SNX27: variants seen among roughly 807,000 people sequenced by gnomAD.
SNX27 encodes the protein sorting nexin-27.
SNX27 carries 22 observed loss-of-function variants against 71.6 expected under a neutral mutation model. That is an observed-to-expected ratio of 0.31 (90% CI 0.22 to 0.44). The LOEUF is 0.44. Among genes scored for constraint, SNX27 ranks in the 20% least tolerant of loss-of-function variants. SNX27 has a pLI of 1.00. For synonymous variants in SNX27, 269 were observed against 277.2 expected (o/e 0.97, Z 0.29); for missense variants, 531 against 698.6 (o/e 0.76, Z 2.70).
rs867364396 is a variant in SNX27, at chr1:151,651,355, T to C, written c.544-6880T>C. ...TGACCCCCCCCACCTCCCTCCCGGA[T>C]GGGGCGGCTGGCCTGGCGGGGGGCT... is the stretch of plus-strand genomic sequence containing the variant. On this transcript the variant is annotated intron_variant, in intron 2 of 11. Coordinates refer to ENST00000458013, the MANE Select transcript of SNX27 (RefSeq NM_001330723.2). Among the ~76,000 whole-genome samples the C allele has an allele frequency of 1.4e-3, 192 of 139,974 alleles. 1 individual carries two copies. Among genetic ancestry groups the C allele is most frequent in the African/African-American group, 4.8e-3 (177 of 36,980 alleles). 91.8% of individuals were successfully genotyped at this position (139,974 alleles called of 152,430 possible). A position where few individuals can be genotyped will look rare whatever the true frequency, so the allele number is the denominator to read the frequency against.
At chr1:151,673,554 G>A (rs1670537923) in intron 7 of SNX27, among the ~76,000 whole-genome samples, 1 of 152,180 alleles carries the variant, frequency 6.6e-6, no homozygotes. Context: ...GGTCTATAAT[G>A]CAGATTAAGT....
chr1:151,630,921 A>G (rs958551762), intron 1 of SNX27, among the ~76,000 whole-genome samples: 3 of 152,104 alleles, frequency 2.0e-5, no homozygotes, highest in South Asian at 2.1e-4. Flanking sequence ...AGTTCCAGCT[A>G]CTCGGGAGGC....
intron 3 of SNX27, among the ~76,000 whole-genome samples, chr1:151,658,637 A>G (rs1669811135): frequency 6.6e-6 from 1 of 152,136 alleles, no homozygotes; most frequent in Admixed American, 6.5e-5. Flanking sequence ...TGAATGCTTA[A>G]CAACAACAGA....
intron 1 of SNX27, among the ~76,000 whole-genome samples, chr1:151,621,067 GA>G (rs1238718453): frequency 6.6e-5 from 10 of 152,160 alleles, no homozygotes; most frequent in African/African-American, 2.2e-4. Context: ...AGACGGGGGG[GA>G]AACTTAATGT....
chr1:151,647,276 GAAT>G (rs1349429456), intron 2 of SNX27, among the ~76,000 whole-genome samples: 1 of 151,782 alleles, frequency 6.6e-6, no homozygotes, highest in Non-Finnish European at 1.5e-5. Context: ...TCAGCCTTCC[GAAT>G]AGCTAAACTA....
intron 11 of SNX27, 24 bp downstream of exon 11, chr1:151,693,507 T>A: frequency 6.2e-7 from 1 of 1,613,920 alleles, no homozygotes; most frequent in Non-Finnish European, 8.5e-7. Context: ...GTCCTTGAAT[T>A]GACCTTTTCA....
At chr1:151,615,761 G>A (rs1349624261) in intron 1 of SNX27, 11 of 982,542 alleles carry the variant, frequency 1.1e-5, no homozygotes, top group Non-Finnish European at 1.3e-5. Flanking sequence ...AATTGTTTTT[G>A]TAACAATTTT....
At chr1:151,620,753 G>C (rs997550781) in intron 1 of SNX27, among the ~76,000 whole-genome samples, 6 of 149,634 alleles carry the variant, frequency 4.0e-5, no homozygotes, top group African/African-American at 1.5e-4. Context: ...GCAGTGGCAC[G>C]ATCTCGGCTC....
intron 3 of SNX27, 120 bp downstream of exon 3, chr1:151,658,547 T>TTAC: frequency 2.0e-6 from 2 of 1,000,892 alleles, no homozygotes; most frequent in Non-Finnish European, 2.9e-6. Context: ...GGTTTCTGAC[T>TTAC]AAGTATTGAA....
At position 151,696,518 on chromosome 1, in the gene SNX27, TTTCG is replaced by T. The variant is rs138314639; in HGVS notation, c.*2105_*2108del. On this transcript the variant is annotated 3_prime_UTR_variant, in exon 12 of 12. Transcript: ENST00000458013. ...CTTTCTTTCTTTCGTTCTTTCGTTCTTTCGTTCTTTCTTTCTTTCTTTCTTTCTC... is the reference window on the plus strand; with the variant it reads ...CTTTCTTTCTTTCGTTCTTTCGTTCTTTCTTTCTTTCTTTCTTTCTTTCTC... 1.2e-3 allele frequency: 163 copies of T among 135,530 alleles called. No homozygotes were observed. Among genetic ancestry groups the T allele is most frequent in the East Asian group, 3.3e-3 (16 of 4,922 alleles). 8.4% of individuals were successfully genotyped at this position (135,530 alleles called of 1,614,324 possible).
At chr1:151,643,517 A>C (rs1279365795) in intron 2 of SNX27, among the ~76,000 whole-genome samples, 2 of 142,696 alleles carry the variant, frequency 1.4e-5, no homozygotes, top group African/African-American at 2.6e-5. Flanking sequence ...CTGGTCTTGA[A>C]CTCCTGACCT....
chr1:151,655,824 T>A (rs2102671747), intron 2 of SNX27, among the ~76,000 whole-genome samples: 1 of 152,344 alleles, frequency 6.6e-6, no homozygotes, highest in East Asian at 1.9e-4. Flanking sequence ...TAAAAGTTGA[T>A]TTTAAATATT....
intron 1 of SNX27, among the ~76,000 whole-genome samples, chr1:151,618,110 C>T (rs779306989): frequency 2.0e-5 from 3 of 151,366 alleles, no homozygotes; most frequent in African/African-American, 4.9e-5. Context: ...AAGTGATCTG[C>T]CCACTTTGGC....
chr1:151,632,221 G>A (rs1004134673), intron 1 of SNX27, among the ~76,000 whole-genome samples: 3 of 151,446 alleles, frequency 2.0e-5, no homozygotes, highest in South Asian at 4.2e-4. Flanking sequence ...GCAGTGGTGC[G>A]ATCTCGGCTC....
rs1273948560 is a variant in SNX27 at position 151,696,387 on chromosome 1, C to CTTA, written c.*1971_*1972insTAT. The CTTA allele has an allele frequency of 6.6e-6, 1 of 152,192 alleles. No individual in the cohort carries two copies. Among genetic ancestry groups the CTTA allele is most frequent in the Non-Finnish European group, 1.5e-5 (1 of 68,036 alleles). 9.4% of individuals were successfully genotyped at this position (152,192 alleles called of 1,614,324 possible). ...CAGTCATAATTGGTTGTAGTCAATTCTACTAAGCAGTGTTGGGGTGGTTGG... is the reference window on the plus strand; with the variant it reads ...CAGTCATAATTGGTTGTAGTCAATTCTTATACTAAGCAGTGTTGGGGTGGTTGG... On this transcript the variant is annotated 3_prime_UTR_variant, in exon 12 of 12. Transcript: ENST00000458013.
In SNX27 at chr1:151,660,873, A is replaced by G. The variant is rs1172914573; in HGVS notation, c.801+11A>G. The G allele has an allele frequency of 1.3e-6, 2 of 1,598,358 alleles. No individual in the cohort carries two copies. The highest frequency in any genetic ancestry group is 1.3e-5 in the African/African-American group (1 of 74,648). ...TCAGAATCCGATGAGGTAGGTGAAT[A>G]TCTCTTTTAGTGATTATTTTCCTTT... On this transcript the variant is annotated intron_variant, in intron 4 of 11. Coordinates refer to ENST00000458013, the MANE Select transcript of SNX27 (RefSeq NM_001330723.2).
At chr1:151,658,521 T>C (rs878903105) in intron 3 of SNX27, 94 bp downstream of exon 3, 4 of 1,248,792 alleles carry the variant, frequency 3.2e-6, no homozygotes, top group Admixed American at 4.8e-5. Context: ...AGAACCTCAA[T>C]AGTGAATGTA....
Position 151,697,256 on chromosome 1 carries a change from T to A in SNX27, c.*2839T>A, listed in dbSNP as rs1671799660. On this transcript the variant is annotated 3_prime_UTR_variant, in exon 12 of 12. Coordinates refer to ENST00000458013, the MANE Select transcript of SNX27 (RefSeq NM_001330723.2). The stretch of plus-strand genomic sequence containing the variant: ...GACTTGGCACCAGCTTTGTTCAAAC[T>A]GTAAAAATAGCAATTTGCCCCTACT... 1 of 152,220 alleles carries A rather than the reference T, an allele frequency of 6.6e-6. No homozygotes were observed. Among genetic ancestry groups the A allele is most frequent in the African/African-American group, 2.4e-5 (1 of 41,460 alleles). 9.4% of individuals were successfully genotyped at this position (152,220 alleles called of 1,614,324 possible). A position where few individuals can be genotyped will look rare whatever the true frequency, so the allele number is the denominator to read the frequency against.
intron 5 of SNX27, among the ~76,000 whole-genome samples, chr1:151,664,385 A>G (rs980806539): frequency 6.6e-6 from 1 of 151,888 alleles, no homozygotes; most frequent in Non-Finnish European, 1.5e-5. Flanking sequence ...TTTTGATGCA[A>G]CCTAGTATTT....
Sources: gnomAD v4.1 joint callset for allele counts (sites outside exome capture counted in the v4.1 genomes callset) on GRCh38, gnomAD v4.1.1 for gene constraint, MANE v1.5 for transcripts, NCBI Gene and HGNC (gene_info 2026-07-23, HGNC 2026-07-21) for gene names.